The following CLDN10 variants were observed in gnomAD, a reference collection of about 807,000 sequenced individuals.
CLDN10 encodes the protein claudin 10.
A neutral mutation model predicts 22.9 loss-of-function variants in CLDN10; 15 were observed. The ratio of observed to expected loss-of-function variants is 0.65; its 90% CI spans 0.44 to 1.01. The LOEUF is 1.01. CLDN10 is among the 50% of genes least tolerant of loss of function. The probability of loss-of-function intolerance (pLI) is 0.00; values close to 1 mark genes in which losing one functional copy is unlikely to be tolerated. For synonymous variants in CLDN10, 114 were observed against 111.4 expected, an observed-to-expected ratio of 1.02 and a Z score of -0.15; for missense variants, 247 against 287.8, an observed-to-expected ratio of 0.86 and a Z score of 1.03.
At chr13:95,484,265 G>A (rs1191395294) in intron 1 of CLDN10, among the ~76,000 whole-genome samples, 1 of 152,082 alleles carries the variant, frequency 6.6e-6, no homozygotes, top group African/African-American at 2.4e-5. Context: ...TAGCAGCTGG[G>A]GCCTGATGTC....
intron 1 of CLDN10, among the ~76,000 whole-genome samples, chr13:95,518,449 C>A (rs2043192148): frequency 6.6e-6 from 1 of 152,072 alleles, no homozygotes; most frequent in Non-Finnish European, 1.5e-5. Context: ...GAAAAAAAAT[C>A]TATACATAAA....
At position 95,537,316 on chromosome 13, in the gene CLDN10, G is replaced by C. The variant is rs576815911; in HGVS notation, c.215-22816G>C. On this transcript the variant is annotated intron_variant, in intron 1 of 4. Coordinates refer to the CLDN10 transcript ENST00000376873. ...GTTGGTTATTTGTTTTGTTGCCAGA[G>C]CTGGAAACATTCATAATTCAATGAA... Among the ~76,000 whole-genome samples the C allele has an allele frequency of 3.3e-5, 5 of 152,260 alleles. No individual in the cohort carries two copies. The South Asian group carries it at 1.0e-3, about 32-fold the overall frequency.
chr13:95,490,914 A>G (rs894217326), intron 1 of CLDN10, among the ~76,000 whole-genome samples: 1 of 152,116 alleles, frequency 6.6e-6, no homozygotes, highest in African/African-American at 2.4e-5. Flanking sequence ...GTCTAATAGT[A>G]ATTGTTTTAT....
intron 1 of CLDN10, among the ~76,000 whole-genome samples, chr13:95,456,213 T>G (rs1481846963): frequency 6.6e-6 from 1 of 152,198 alleles, no homozygotes; most frequent in Non-Finnish European, 1.5e-5. Context: ...ACACTTGCTA[T>G]CTGCACATCC....
At position 95,578,236 on chromosome 13, in the gene CLDN10, G is replaced by A. The variant is rs565450960; in HGVS notation, c.*222G>A. 2 of 337,864 alleles carry A rather than the reference G, an allele frequency of 5.9e-6. No homozygotes were observed. The highest frequency in any genetic ancestry group is 5.2e-5 in the East Asian group (1 of 19,304). The allele number at this position is 337,864 out of a possible 1,614,324, so 20.9% of individuals were successfully genotyped here. On this transcript the variant is annotated 3_prime_UTR_variant, in exon 5 of 5. Coordinates refer to ENST00000299339, the MANE Select transcript of CLDN10 (RefSeq NM_006984.5). ...ATAAAAAATAAACAGTTTATTTACA[G>A]GATTTGTAAAATGTTTTCTACATTT...
chr13:95,513,413 TA>T (rs1445990001), intron 1 of CLDN10, among the ~76,000 whole-genome samples: 2 of 152,184 alleles, frequency 1.3e-5, no homozygotes, highest in African/African-American at 4.8e-5. Flanking sequence ...ACATAATGAC[TA>T]AAAATCATCT....
chr13:95,490,758 A>G (rs112900507), intron 1 of CLDN10, among the ~76,000 whole-genome samples: 4,394 of 152,238 alleles, frequency 0.029, 89 homozygotes, highest in Middle Eastern at 0.071. Flanking sequence ...TGTTCTGTAT[A>G]TATCTGTTAA....
At chr13:95,533,271 G>A (rs1016381987) in intron 1 of CLDN10, among the ~76,000 whole-genome samples, 2 of 151,556 alleles carry the variant, frequency 1.3e-5, no homozygotes, top group South Asian at 2.1e-4. Flanking sequence ...GAGACAGAGC[G>A]AGAGAGCAAA....
intron 3 of CLDN10, among the ~76,000 whole-genome samples, chr13:95,563,093 C>CCGCTCT (rs1319576476): frequency 1.3e-5 from 1 of 74,404 alleles, no homozygotes; most frequent in Non-Finnish European, 3.4e-5. Context: ...CTCTGCCTAC[C>CCGCTCT]CACTCTCTCT....
At chr13:95,453,594 G>A (rs2042453189) in intron 1 of CLDN10, among the ~76,000 whole-genome samples, 1 of 151,962 alleles carries the variant, frequency 6.6e-6, no homozygotes, top group African/African-American at 2.4e-5. Context: ...TCAGGCAGGA[G>A]ACTCACTTGA....
At chr13:95,527,236 C>T (rs1437475337) in intron 1 of CLDN10, among the ~76,000 whole-genome samples, 3 of 152,178 alleles carry the variant, frequency 2.0e-5, no homozygotes, top group African/African-American at 7.2e-5. Flanking sequence ...TTCATGAATG[C>T]TATTTTCAAC....
intron 1 of CLDN10, among the ~76,000 whole-genome samples, chr13:95,453,932 G>A (rs1419260764): frequency 6.6e-6 from 1 of 150,668 alleles, no homozygotes; most frequent in East Asian, 2.0e-4. Flanking sequence ...TGCCAACATT[G>A]CTCATCAATC....
At chr13:95,538,615 C>A (rs1016461314) in intron 1 of CLDN10, among the ~76,000 whole-genome samples, 2 of 152,166 alleles carry the variant, frequency 1.3e-5, no homozygotes, top group Admixed American at 1.3e-4. Context: ...GAAATCCTCA[C>A]GCTGCATCTT....
chr13:95,556,898 C>T (rs931222571), intron 1 of CLDN10, among the ~76,000 whole-genome samples: 2 of 152,246 alleles, frequency 1.3e-5, no homozygotes. Flanking sequence ...ATTTGGAAAA[C>T]ACTTAACTTT....
At chr13:95,438,127 C>A (rs1004692855) in intron 1 of CLDN10, among the ~76,000 whole-genome samples, 1 of 152,252 alleles carries the variant, frequency 6.6e-6, no homozygotes, top group Non-Finnish European at 1.5e-5. Context: ...GATCATGGCT[C>A]ACTTCAGCCT....
chr13:95,435,933 G>A (rs1594516478), intron 1 of CLDN10, among the ~76,000 whole-genome samples: 1 of 150,788 alleles, frequency 6.6e-6, no homozygotes, highest in South Asian at 2.1e-4. Context: ...TGAGATTATA[G>A]GCCTGAGCCA....
At chr13:95,467,681 G>T (rs1319484041) in intron 1 of CLDN10, among the ~76,000 whole-genome samples, 1 of 152,188 alleles carries the variant, frequency 6.6e-6, no homozygotes, top group Admixed American at 6.5e-5. Flanking sequence ...GAGAGAGAAA[G>T]AAGGATTTAT....
intron 1 of CLDN10, among the ~76,000 whole-genome samples, chr13:95,462,480 T>A (rs2042544271): frequency 6.6e-6 from 1 of 152,164 alleles, no homozygotes. Flanking sequence ...GACTTGGGTA[T>A]CAAAGGAAGC....
At chr13:95,476,505 C>G (rs959867799) in intron 1 of CLDN10, among the ~76,000 whole-genome samples, 1 of 152,136 alleles carries the variant, frequency 6.6e-6, no homozygotes, top group Non-Finnish European at 1.5e-5. Context: ...AATCACCTCC[C>G]GAAGGCCCCA....
Sources: allele counts gnomAD v4.1 joint callset (sites outside exome capture counted in the v4.1 genomes callset), GRCh38; gene constraint gnomAD v4.1.1; transcripts MANE v1.5; gene names NCBI Gene and HGNC (gene_info 2026-07-23, HGNC 2026-07-21).